The following OSBPL3 variants were observed in gnomAD, a reference collection of about 807,000 sequenced individuals.
OSBPL3 encodes oxysterol binding protein like 3, also known as oxysterol-binding protein-related protein 3.
OSBPL3 carries 65 observed loss-of-function variants against 120.1 expected under a neutral mutation model. The ratio of observed to expected loss-of-function variants is 0.54; its 90% CI spans 0.44 to 0.67. The LOEUF is 0.67. Among genes scored for constraint, OSBPL3 ranks in the 30% least tolerant of loss-of-function variants. The probability of loss-of-function intolerance (pLI) is 0.00; values close to 1 mark genes in which losing one functional copy is unlikely to be tolerated. For missense variants in OSBPL3, 1,004 were observed against 1,082.1 expected, an observed-to-expected ratio of 0.93 and a Z score of 1.01; for synonymous variants, 416 against 402.6, an observed-to-expected ratio of 1.03 and a Z score of -0.40.
intron 12 of OSBPL3, among the ~76,000 whole-genome samples, chr7:24,843,098 C>A (rs1160794062): frequency 1.3e-5 from 2 of 152,182 alleles, no homozygotes; most frequent in South Asian, 2.1e-4. Context: ...CCATTCTCCA[C>A]TCCACTGGGT....
intron 10 of OSBPL3, among the ~76,000 whole-genome samples, chr7:24,857,824 C>T (rs981217692): frequency 2.0e-5 from 3 of 152,288 alleles, no homozygotes; most frequent in African/African-American, 7.2e-5. Context: ...CAGGACTTCT[C>T]AGGGCCTTTA....
intron 1 of OSBPL3, among the ~76,000 whole-genome samples, chr7:24,905,556 T>C (rs1318306124): frequency 2.0e-5 from 3 of 152,218 alleles, no homozygotes; most frequent in Non-Finnish European, 2.9e-5. Flanking sequence ...GAAGAGCTTT[T>C]ACAAAACACT....
At chr7:24,926,486 T>G (rs1017582362) in intron 1 of OSBPL3, among the ~76,000 whole-genome samples, 3 of 152,192 alleles carry the variant, frequency 2.0e-5, no homozygotes, top group Non-Finnish European at 4.4e-5. Context: ...CAAGAGGAAG[T>G]CTCTGTGTTA....
At position 24,820,291 on chromosome 7, in the gene OSBPL3, A is replaced by T; in HGVS notation, c.1885-53T>A. On this transcript the variant is annotated intron_variant, in intron 16 of 22. Transcript: ENST00000313367. This position sits in a 1 kb window ranked among gnomAD's most constrained non-coding sequence, Gnocchi z 4.6. ...AAAAATGAATGAACTTTTGTGTCTC[A>T]TGAAATCCATTCTTTCTCCCCTGCA... is the stretch of plus-strand genomic sequence containing the variant. The T allele has an allele frequency of 7.5e-7, 1 of 1,340,500 alleles. No homozygotes were observed. Among genetic ancestry groups the T allele is most frequent in the Non-Finnish European group, 1.1e-6 (1 of 940,084 alleles). 83.0% of individuals were successfully genotyped at this position (1,340,500 alleles called of 1,614,324 possible).
At chr7:24,870,908 G>C in intron 4 of OSBPL3, 63 bp from the exon 5 acceptor site, 1 of 991,530 alleles carries the variant, frequency 1.0e-6, no homozygotes, top group South Asian at 1.3e-5. Flanking sequence ...TCACATCCCT[G>C]ACACACCCTT....
intron 5 of OSBPL3, among the ~76,000 whole-genome samples, chr7:24,870,413 T>G (rs1255167390): frequency 1.3e-5 from 2 of 152,214 alleles, no homozygotes; most frequent in Non-Finnish European, 2.9e-5. Flanking sequence ...CTATGGTAAA[T>G]GGTTCTTCAC....
Position 24,865,483 on chromosome 7 carries a change from A to G in OSBPL3, c.550-18T>C, listed in dbSNP as rs1185145313. On this transcript the variant is annotated intron_variant, in intron 6 of 22. Coordinates refer to ENST00000313367, the MANE Select transcript of OSBPL3 (RefSeq NM_015550.4). Reference sequence around the variant, plus strand: ...CTGCTACGCTGTTCCACGGATGACAAAAGCACATTGTAAATGGAAACAGAG... The same window carrying G: ...CTGCTACGCTGTTCCACGGATGACAGAAGCACATTGTAAATGGAAACAGAG... 1 of 1,612,026 alleles carries G rather than the reference A, an allele frequency of 6.2e-7. No homozygotes were observed. The highest frequency in any genetic ancestry group is 8.5e-7 in the Non-Finnish European group (1 of 1,178,884).
chr7:24,915,230 C>A (rs924959804), intron 1 of OSBPL3, among the ~76,000 whole-genome samples: 1 of 152,136 alleles, frequency 6.6e-6, no homozygotes, highest in Non-Finnish European at 1.5e-5. Context: ...AAGAAACTCA[C>A]CAAGAAAATA....
At position 24,803,249 on chromosome 7, in the gene OSBPL3, A is replaced by G. The variant is rs1174084339; in HGVS notation, c.2567+1066T>C. ...CTGGAAGGACTTGGGCAGATGGAGT[A>G]GAGCAGGAACTTGCTGCTTTTTCAC... On this transcript the variant is annotated intron_variant, in intron 22 of 22. Transcript: ENST00000313367. The surrounding 1 kb of genome is among the most constrained non-coding windows in gnomAD (Gnocchi z 4.2). Among the ~76,000 whole-genome samples, 1 of 152,254 alleles carries G rather than the reference A, an allele frequency of 6.6e-6. No individual in the cohort carries two copies. Among genetic ancestry groups the G allele is most frequent in the African/African-American group, 2.4e-5 (1 of 41,476 alleles).
Position 24,815,117 on chromosome 7 carries a change from T to A in OSBPL3, c.2114A>T (p.Glu705Val). Residue 705 changes from glutamate to valine, a missense_variant, in exon 19 of 23, where the codon GAG becomes GTG. Physicochemically the swap from Glu to Val is moderately radical, Grantham distance 121. This residue lies in a region of OSBPL3 where 473 missense variants were observed against 568.0 expected (regional missense o/e 0.83). Coordinates refer to ENST00000313367, the MANE Select transcript of OSBPL3 (RefSeq NM_015550.4). This position sits in a 1 kb window ranked among gnomAD's most constrained non-coding sequence, Gnocchi z 5.1. ...ATCATGCAGGTTCTTGATGACAATCTCTCCATAGTGCTCAATCCACCTCTG... is the reference window on the plus strand; with the variant it reads ...ATCATGCAGGTTCTTGATGACAATCACTCCATAGTGCTCAATCCACCTCTG... ...SGQRWIEHYG[E>V]IVIKNLHDDS... 7.4e-6 allele frequency: 12 copies of A among 1,613,512 alleles called. No homozygotes were observed. The highest frequency in any genetic ancestry group is 1.0e-5 in the Non-Finnish European group (12 of 1,179,414).
chr7:24,904,921 GTGTGTGTGT>G (rs1807653292), intron 1 of OSBPL3, among the ~76,000 whole-genome samples: 1 of 86,022 alleles, frequency 1.2e-5, no homozygotes, highest in African/African-American at 4.8e-5. Flanking sequence ...ATATACAGGT[GTGTGTGTGT>G]GTGTGTGTGT....
chr7:24,905,421 T>A (rs141198108), intron 1 of OSBPL3, among the ~76,000 whole-genome samples: 1 of 152,184 alleles, frequency 6.6e-6, no homozygotes, highest in East Asian at 1.9e-4. Flanking sequence ...CTATGCCGGA[T>A]GAGGGAGAGT....
rs1796300973 is a variant in OSBPL3 at position 24,831,004 on chromosome 7, A to G, written c.1747-99T>C. ...AATAAAACCTCTATGATTTTCTTTC[A>G]GAAAGCCAAAGATTTGTCTTTGGTT... On this transcript the variant is annotated intron_variant, in intron 15 of 22. Coordinates refer to ENST00000313367, the MANE Select transcript of OSBPL3 (RefSeq NM_015550.4). The surrounding 1 kb of genome is among the most constrained non-coding windows in gnomAD (Gnocchi z 4.0). 8.5e-7 allele frequency: 1 copy of G among 1,180,216 alleles called. No individual in the cohort carries two copies. Among genetic ancestry groups the G allele is most frequent in the Middle Eastern group, 2.1e-4 (1 of 4,748 alleles). The allele number at this position is 1,180,216 out of a possible 1,614,324, so 73.1% of individuals were successfully genotyped here. A position where few individuals can be genotyped will look rare whatever the true frequency, so the allele number is the denominator to read the frequency against.
rs549939806 is a variant in OSBPL3, at chr7:24,819,928, T to C, written c.1948+247A>G. Among the ~76,000 whole-genome samples the C allele has an allele frequency of 6.6e-6, 1 of 152,338 alleles. No homozygotes were observed. The highest frequency in any genetic ancestry group is 2.1e-4 in the South Asian group (1 of 4,832). On this transcript the variant is annotated intron_variant, in intron 17 of 22. Coordinates refer to ENST00000313367, the MANE Select transcript of OSBPL3 (RefSeq NM_015550.4). The surrounding 1 kb of genome is among the most constrained non-coding windows in gnomAD (Gnocchi z 4.1). ...GATAAACAACTGTAAATATTTAATG[T>C]CTCTTGAAATATGTGAGGCATTTCA...
At position 24,845,387 on chromosome 7, in the gene OSBPL3, A is replaced by T. The variant is rs1323427952; in HGVS notation, c.1267-2974T>A. ...TTTACAAATATTGCAAAATAAGTAA[A>T]AAAAAAAAAAAAAAAAAAAAAAAAA... On this transcript the variant is annotated intron_variant, in intron 12 of 22. Transcript: ENST00000313367. 8.8e-3 allele frequency among the ~76,000 whole-genome samples: 446 copies of T among 50,450 alleles called. 9 individuals are homozygous for T. In the East Asian group the frequency reaches 0.15, roughly 17 times the overall value. The allele number at this position is 50,450 out of a possible 152,430, so 33.1% of individuals were successfully genotyped here.
Position 24,972,573 on chromosome 7 carries a change from C to T in OSBPL3, c.-150+7313G>A, listed in dbSNP as rs6974022. ...GTTCAATTCATCGCCACATCCCCTG[C>T]ACCCAGCCTGGTGTCTGGCACATGG... is the stretch of plus-strand genomic sequence containing the variant. On this transcript the variant is annotated intron_variant, in intron 1 of 22. Coordinates refer to ENST00000313367, the MANE Select transcript of OSBPL3 (RefSeq NM_015550.4). The surrounding 1 kb of genome is among the most constrained non-coding windows in gnomAD (Gnocchi z 4.3). Among the ~76,000 whole-genome samples, 1 of 152,360 alleles carries T rather than the reference C, an allele frequency of 6.6e-6. No individual in the cohort carries two copies. The highest frequency in any genetic ancestry group is 1.9e-4 in the East Asian group (1 of 5,192).
Position 24,939,320 on chromosome 7 carries a change from A to G in OSBPL3, c.-150+40566T>C, listed in dbSNP as rs1404889176. Reference sequence around the variant, plus strand: ...TTCTTTGTGGCTGACAAGAATTCCAATTTTGTTCAGCTATTAGGAAGCTAT... The same window carrying G: ...TTCTTTGTGGCTGACAAGAATTCCAGTTTTGTTCAGCTATTAGGAAGCTAT... On this transcript the variant is annotated intron_variant, in intron 1 of 22. Transcript: ENST00000313367. The surrounding 1 kb of genome is among the most constrained non-coding windows in gnomAD (Gnocchi z 4.2). 1.3e-5 allele frequency among the ~76,000 whole-genome samples: 2 copies of G among 152,168 alleles called. No homozygotes were observed. Among genetic ancestry groups the G allele is most frequent in the Non-Finnish European group, 2.9e-5 (2 of 68,024 alleles).
chr7:24,840,403 C>T (rs41275964), intron 14 of OSBPL3, among the ~76,000 whole-genome samples: 2,819 of 152,260 alleles, frequency 0.019, 59 homozygotes, highest in Admixed American at 0.045. Flanking sequence ...ATCCCCTTAA[C>T]GAATTGTAAA....
At chr7:24,869,665 A>G (rs538942313) in intron 5 of OSBPL3, among the ~76,000 whole-genome samples, 2 of 152,344 alleles carry the variant, frequency 1.3e-5, no homozygotes, top group East Asian at 3.9e-4. Flanking sequence ...CACAATGTCA[A>G]TGGTGCAGAG....
Sources: gnomAD v4.1 joint callset for allele counts (sites outside exome capture counted in the v4.1 genomes callset) on GRCh38, gnomAD v4.1.1 for gene constraint, gnomAD v4.1.1 regional missense constraint, Gnocchi (gnomAD v3.1) non-coding constraint, MANE v1.5 for transcripts, NCBI Gene and HGNC (gene_info 2026-07-23, HGNC 2026-07-21) for gene names.